GRIN2B: variants seen among roughly 807,000 people sequenced by gnomAD.
GRIN2B encodes the protein glutamate ionotropic receptor NMDA type subunit 2B.
Under a neutral mutation model 114.5 loss-of-function variants are expected in GRIN2B, and 5 were observed. The observed-to-expected ratio is 0.04, with a 90% CI of 0.02 to 0.09. The LOEUF is 0.09. Ranked by LOEUF, GRIN2B falls within the 10% of genes least tolerant of loss-of-function variation. GRIN2B has a pLI of 1.00. For synonymous variants in GRIN2B, 787 were observed against 745.1 expected (o/e 1.06, Z -0.92); for missense variants, 1,108 against 1,943.5 (o/e 0.57, Z 8.08).
intron 2 of GRIN2B, among the ~76,000 whole-genome samples, chr12:13,869,062 G>C (rs918060204): frequency 2.0e-5 from 3 of 151,998 alleles, no homozygotes; most frequent in Non-Finnish European, 4.4e-5. Flanking sequence ...CTTCCTTTGG[G>C]CTCTCACCAT....
chr12:13,862,400 C>T (rs1865765722), intron 3 of GRIN2B, among the ~76,000 whole-genome samples: 1 of 152,030 alleles, frequency 6.6e-6, no homozygotes, highest in African/African-American at 2.4e-5. Flanking sequence ...AAACTAACAA[C>T]AAAAACTTAA....
intron 5 of GRIN2B, among the ~76,000 whole-genome samples, chr12:13,661,027 A>C (rs1050797167): frequency 3.3e-5 from 5 of 152,222 alleles, no homozygotes; most frequent in African/African-American, 1.2e-4. Context: ...TTTAAGATGC[A>C]ACATTCTGGC....
intron 8 of GRIN2B, among the ~76,000 whole-genome samples, chr12:13,614,487 C>T (rs569030443): frequency 6.6e-6 from 1 of 152,096 alleles, no homozygotes; most frequent in African/African-American, 2.4e-5. Flanking sequence ...TAATTGAAAT[C>T]TTGGCCTCAT....
intron 2 of GRIN2B, among the ~76,000 whole-genome samples, chr12:13,935,875 C>T (rs991969208): frequency 2.0e-5 from 3 of 152,088 alleles, no homozygotes; most frequent in Non-Finnish European, 2.9e-5. Context: ...GGACAATAAG[C>T]GGCATAAGAC....
intron 2 of GRIN2B, among the ~76,000 whole-genome samples, chr12:13,977,929 C>G (rs906700252): frequency 6.6e-6 from 1 of 152,192 alleles, no homozygotes; most frequent in Admixed American, 6.5e-5. Flanking sequence ...ACTCCCTCCC[C>G]TTTCAACCTC....
chr12:13,969,526 T>C (rs1252534923), intron 2 of GRIN2B, among the ~76,000 whole-genome samples: 1 of 152,232 alleles, frequency 6.6e-6, no homozygotes, highest in East Asian at 1.9e-4. Context: ...ATTGGCATAA[T>C]CTAGAATATA....
intron 4 of GRIN2B, among the ~76,000 whole-genome samples, chr12:13,696,585 A>G (rs1950261358): frequency 6.6e-6 from 1 of 152,166 alleles, no homozygotes; most frequent in Non-Finnish European, 1.5e-5. Context: ...CTTCTACTCC[A>G]ATATGTGCCA....
At position 13,555,475 on chromosome 12, in the gene GRIN2B, C is replaced by A. The variant is rs944896152; in HGVS notation, c.*7308G>T. Reference sequence around the variant, plus strand: ...AGTCAAATTGGATTGAGAGATTTGTCTTTAGAGATAGTTGTAGGACGGGTG... The same window carrying A: ...AGTCAAATTGGATTGAGAGATTTGTATTTAGAGATAGTTGTAGGACGGGTG... On this transcript the variant is annotated 3_prime_UTR_variant, in exon 14 of 14. Coordinates refer to ENST00000609686, the MANE Select transcript of GRIN2B (RefSeq NM_000834.5). 1.3e-5 allele frequency: 2 copies of A among 152,040 alleles called. No homozygotes were observed. Among genetic ancestry groups the A allele is most frequent in the African/African-American group, 4.8e-5 (2 of 41,390 alleles). 9.4% of individuals were successfully genotyped at this position (152,040 alleles called of 1,614,324 possible).
At position 13,872,873 on chromosome 12, in the gene GRIN2B, A is replaced by G. The variant is rs377702870; in HGVS notation, c.-18-6647T>C. ...AAAAGATTTGAAAGAAGACCCAAAC[A>G]ATGTAACCATATACCACATTCATGA... On this transcript the variant is annotated intron_variant, in intron 2 of 13. Transcript: ENST00000609686. Among the ~76,000 whole-genome samples, 8 of 152,278 alleles carry G rather than the reference A, an allele frequency of 5.3e-5. 1 individual carries two copies. The highest frequency in any genetic ancestry group is 2.0e-4 in the Admixed American group (3 of 15,294).
intron 3 of GRIN2B, among the ~76,000 whole-genome samples, chr12:13,855,080 T>C (rs1249098722): frequency 9.2e-6 from 1 of 109,130 alleles, no homozygotes; most frequent in East Asian, 2.2e-4. Context: ...TTGCCTGGCG[T>C]GGTGGTGCAT....
In GRIN2B at chr12:13,563,161, G is replaced by T. The variant is rs375217280; in HGVS notation, c.4077C>A (p.Ala1359=). The T allele has an allele frequency of 6.2e-7, 1 of 1,614,064 alleles. No homozygotes were observed. Among genetic ancestry groups the T allele is most frequent in the South Asian group, 1.1e-5 (1 of 91,080 alleles). The change falls in exon 14 of 14, where the codon GCC becomes GCA. Residue 1359 remains alanine, a synonymous_variant. Coordinates refer to ENST00000609686, the MANE Select transcript of GRIN2B (RefSeq NM_000834.5). ...FANNKSSVPT[A]GHHHHNNPGG... ...CGGGGTTGTTGTGGTGGTGATGTCC[G>T]GCAGTGGGCACTGAGGACTTGTTGT...
At chr12:13,825,998 TTTC>T (rs1038295139) in intron 3 of GRIN2B, among the ~76,000 whole-genome samples, 23 of 152,266 alleles carry the variant, frequency 1.5e-4, no homozygotes, top group African/African-American at 5.5e-4. Context: ...TGCTATTTGT[TTTC>T]TTTTTTATCT....
intron 2 of GRIN2B, among the ~76,000 whole-genome samples, chr12:13,905,008 T>A (rs1866514588): frequency 6.6e-6 from 1 of 152,178 alleles, no homozygotes; most frequent in African/African-American, 2.4e-5. Flanking sequence ...ATTTGACTTT[T>A]TCTTCTTGTA....
intron 4 of GRIN2B, among the ~76,000 whole-genome samples, chr12:13,682,485 G>A (rs1201293821): frequency 1.3e-5 from 2 of 152,064 alleles, no homozygotes; most frequent in Non-Finnish European, 2.9e-5. Context: ...CATTTTCTCT[G>A]AAATGGTGTT....
intron 5 of GRIN2B, among the ~76,000 whole-genome samples, chr12:13,662,027 C>T (rs1214055579): frequency 6.6e-6 from 1 of 152,126 alleles, no homozygotes; most frequent in Non-Finnish European, 1.5e-5. Context: ...ATTTCCGTAA[C>T]AGCTGTGAAA....
At chr12:13,721,824 T>C (rs1488554394) in intron 4 of GRIN2B, among the ~76,000 whole-genome samples, 1 of 151,960 alleles carries the variant, frequency 6.6e-6, no homozygotes, top group Non-Finnish European at 1.5e-5. Flanking sequence ...AATAAATAAA[T>C]AAAGGAGCTC....
chr12:13,931,560 G>A (rs577357938), intron 2 of GRIN2B, among the ~76,000 whole-genome samples: 24 of 152,194 alleles, frequency 1.6e-4, no homozygotes, highest in African/African-American at 5.3e-4. Context: ...TATCCATGGC[G>A]TTAAATACCA....
At position 13,875,708 on chromosome 12, in the gene GRIN2B, G is replaced by C. The variant is rs1385899373; in HGVS notation, c.-18-9482C>G. On this transcript the variant is annotated intron_variant, in intron 2 of 13. Coordinates refer to ENST00000609686, the MANE Select transcript of GRIN2B (RefSeq NM_000834.5). ...TTGTAATGGAGAGAGCAAAGCTTTAGAGTTAATGGACTCACTTTTAACATT... is the reference window on the plus strand; with the variant it reads ...TTGTAATGGAGAGAGCAAAGCTTTACAGTTAATGGACTCACTTTTAACATT... 3.3e-5 allele frequency among the ~76,000 whole-genome samples: 5 copies of C among 152,156 alleles called. No homozygotes were observed. The South Asian group carries it at 1.0e-3, about 32-fold the overall frequency.
rs1404215070 is a variant in GRIN2B, at chr12:13,839,021, C to G, written c.411+26777G>C. ...CCCAGTGCCTGAACCACTTTTTTTG[C>G]CAGCATATTCACCCATTCACTCTGC... is the stretch of plus-strand genomic sequence containing the variant. On this transcript the variant is annotated intron_variant, in intron 3 of 13. Coordinates refer to ENST00000609686, the MANE Select transcript of GRIN2B (RefSeq NM_000834.5). Among the ~76,000 whole-genome samples, 3 of 152,164 alleles carry G rather than the reference C, an allele frequency of 2.0e-5. No homozygotes were observed. In the East Asian group the frequency reaches 5.8e-4, roughly 29 times the overall value.
Sources: allele counts gnomAD v4.1 joint callset (sites outside exome capture counted in the v4.1 genomes callset), GRCh38; gene constraint gnomAD v4.1.1; transcripts MANE v1.5; gene names NCBI Gene and HGNC (gene_info 2026-07-23, HGNC 2026-07-21).